CTNNA2: variants seen among roughly 807,000 people sequenced by gnomAD.
The protein encoded by CTNNA2 is catenin alpha-2.
CTNNA2 carries 42 observed loss-of-function variants against 101.0 expected under a neutral mutation model. That is an observed-to-expected ratio of 0.42 (90% confidence interval 0.32 to 0.54). The LOEUF (loss-of-function observed/expected upper bound fraction) is 0.54, where lower values mean the gene tolerates loss of function less well. CTNNA2 is among the 20% of genes least tolerant of loss of function. The pLI is 0.14. For missense variants in CTNNA2, 871 were observed against 1,223.1 expected (o/e 0.71, Z 4.29); for synonymous variants, 450 against 456.4 (o/e 0.99, Z 0.18).
chr2:79,200,926 CCAGGCTATTGTGGTAAAGAAGAAA>C (rs1674025435), intron 2 of CTNNA2, among the ~76,000 whole-genome samples: 1 of 151,988 alleles, frequency 6.6e-6, no homozygotes, highest in Non-Finnish European at 1.5e-5. Context: ...GAAACCAAAC[CCAGGCTATTGTGGTAAAGAAGAAA>C]AAAAACAGAT....
intron 4 of CTNNA2, among the ~76,000 whole-genome samples, chr2:79,462,275 A>C (rs1439619883): frequency 6.6e-6 from 1 of 152,110 alleles, no homozygotes; most frequent in Non-Finnish European, 1.5e-5. Flanking sequence ...AAAGCATACC[A>C]CTCTCAAACA....
At chr2:79,825,355 G>T (rs1678348320) in intron 3 of CTNNA2, among the ~76,000 whole-genome samples, 1 of 152,146 alleles carries the variant, frequency 6.6e-6, no homozygotes, top group African/African-American at 2.4e-5. Flanking sequence ...AGTAGAAATG[G>T]TGGTGCACCA....
chr2:80,035,241 T>C (rs1261886119), intron 7 of CTNNA2, among the ~76,000 whole-genome samples: 1 of 152,184 alleles, frequency 6.6e-6, no homozygotes, highest in Non-Finnish European at 1.5e-5. Flanking sequence ...ATGTTCATAC[T>C]TGCAGGTTTC....
At chr2:80,104,188 A>G (rs1700730976) in intron 7 of CTNNA2, among the ~76,000 whole-genome samples, 1 of 152,198 alleles carries the variant, frequency 6.6e-6, no homozygotes, top group South Asian at 2.1e-4. Flanking sequence ...TCAAACATGT[A>G]CTTAGCTCCG....
chr2:79,415,801 A>G (rs1311982814), intron 4 of CTNNA2, among the ~76,000 whole-genome samples: 1 of 152,146 alleles, frequency 6.6e-6, no homozygotes, highest in Non-Finnish European at 1.5e-5. Flanking sequence ...CAACAAATGC[A>G]TAGGTCTATC....
chr2:79,985,771 G>T (rs1213735057), intron 7 of CTNNA2, among the ~76,000 whole-genome samples: 1 of 152,172 alleles, frequency 6.6e-6, no homozygotes, highest in East Asian at 1.9e-4. Context: ...CCTAGAGTGT[G>T]CCAGCAGCCA....
At chr2:80,183,913 G>A (rs1573327760) in intron 7 of CTNNA2, among the ~76,000 whole-genome samples, 1 of 151,096 alleles carries the variant, frequency 6.6e-6, no homozygotes, top group Non-Finnish European at 1.5e-5. Flanking sequence ...GTGTGTGTAA[G>A]CATTGTATGG....
chr2:79,854,220 A>T (rs554892520), intron 3 of CTNNA2, among the ~76,000 whole-genome samples: 1 of 152,234 alleles, frequency 6.6e-6, no homozygotes, highest in Non-Finnish European at 1.5e-5. Flanking sequence ...AGTGAAACCA[A>T]CCAAAATATA....
intron 9 of CTNNA2, among the ~76,000 whole-genome samples, chr2:80,439,301 A>G (rs1386052714): frequency 1.3e-5 from 2 of 152,268 alleles, no homozygotes; most frequent in South Asian, 4.1e-4. Context: ...TAATGTTAGG[A>G]TATTTGCAAA....
intron 1 of CTNNA2, among the ~76,000 whole-genome samples, chr2:79,638,739 C>A (rs1298014825): frequency 6.6e-6 from 1 of 152,316 alleles, no homozygotes; most frequent in East Asian, 1.9e-4. Flanking sequence ...CTCACCAGCA[C>A]ATGTGTAGAT....
chr2:79,911,919 T>C (rs1685826730), intron 7 of CTNNA2, among the ~76,000 whole-genome samples: 1 of 152,224 alleles, frequency 6.6e-6, no homozygotes, highest in Non-Finnish European at 1.5e-5. Context: ...AGTCAATTTG[T>C]ATTTATTTTG....
At chr2:80,587,256 C>T (rs1432361391) in intron 14 of CTNNA2, among the ~76,000 whole-genome samples, 4 of 151,966 alleles carry the variant, frequency 2.6e-5, no homozygotes, top group Non-Finnish European at 5.9e-5. Context: ...CAGCACAGTA[C>T]CCAGTACTTG....
intron 2 of CTNNA2, among the ~76,000 whole-genome samples, chr2:79,665,596 C>T (rs1251119969): frequency 6.6e-6 from 1 of 152,110 alleles, no homozygotes; most frequent in East Asian, 1.9e-4. Context: ...AGCTAAGATA[C>T]AGTTCTGGAG....
intron 3 of CTNNA2, among the ~76,000 whole-genome samples, chr2:79,322,058 G>C (rs548904224): frequency 2.0e-5 from 3 of 152,176 alleles, no homozygotes; most frequent in Non-Finnish European, 2.9e-5. Context: ...AAGGACAACT[G>C]TGATCACAGA....
intron 6 of CTNNA2, among the ~76,000 whole-genome samples, chr2:79,904,461 C>T (rs1033508556): frequency 1.3e-4 from 20 of 152,132 alleles, no homozygotes; most frequent in Admixed American, 8.5e-4. Flanking sequence ...ATTAAATTTT[C>T]GTTTTAAAGT....
chr2:79,989,146 A>C (rs1691984144), intron 7 of CTNNA2, among the ~76,000 whole-genome samples: 1 of 152,214 alleles, frequency 6.6e-6, no homozygotes, highest in African/African-American at 2.4e-5. Context: ...CTGATGGTGG[A>C]GTATTCCTCC....
chr2:79,309,953 C>G (rs572452915), intron 2 of CTNNA2, among the ~76,000 whole-genome samples: 4 of 152,208 alleles, frequency 2.6e-5, no homozygotes, highest in African/African-American at 9.6e-5. Context: ...TAGTCAATTG[C>G]TTTATACTTT....
At chr2:79,257,048 G>A (rs1674855399) in intron 2 of CTNNA2, among the ~76,000 whole-genome samples, 3 of 152,170 alleles carry the variant, frequency 2.0e-5, no homozygotes, top group African/African-American at 4.8e-5. Context: ...GATCTAGGAG[G>A]ATAAGCGGAG....
rs1387064605 is a variant in CTNNA2, at chr2:79,536,510, T to A, written c.-6+23303T>A. Among the ~76,000 whole-genome samples, 3 of 151,970 alleles carry A rather than the reference T, an allele frequency of 2.0e-5. No individual in the cohort carries two copies. In the East Asian group the frequency reaches 5.8e-4, roughly 29 times the overall value. ...GGCTTAAATATTTTTTGACTAATAA[T>A]ATCATAACAAGGTTTTCTAAAGTTT... On this transcript the variant is annotated intron_variant, in intron 1 of 18. Transcript: ENST00000402739.
Sources: allele counts gnomAD v4.1 joint callset (sites outside exome capture counted in the v4.1 genomes callset), GRCh38; gene constraint gnomAD v4.1.1; transcripts MANE v1.5; gene names NCBI Gene and HGNC (gene_info 2026-07-23, HGNC 2026-07-21).